The following CCDC187 variants were observed in gnomAD, a reference collection of about 807,000 sequenced individuals.
CCDC187 encodes coiled-coil domain containing 187.
Under a neutral mutation model 38.0 loss-of-function variants are expected in CCDC187, and 32 were observed. The ratio of observed to expected loss-of-function variants is 0.84; its 90% CI spans 0.64 to 1.13. The LOEUF (loss-of-function observed/expected upper bound fraction) is 1.13, where lower values mean the gene tolerates loss of function less well. Among genes scored for constraint, CCDC187 ranks in the 50% most tolerant of loss-of-function variants. The pLI, the probability that CCDC187 is intolerant of heterozygous loss-of-function variation, is 0.00. For synonymous variants in CCDC187, 333 were observed against 347.9 expected (o/e 0.96, Z 0.48); for missense variants, 707 against 786.8 (o/e 0.90, Z 1.21).
chr9:136,277,689 T>C (rs1830959849), intron 10 of CCDC187, among the ~76,000 whole-genome samples: 1 of 152,088 alleles, frequency 6.6e-6, no homozygotes, highest in African/African-American at 2.4e-5. Context: ...TGGCCCCAAG[T>C]CCCAGCTCTG....
In CCDC187 at chr9:136,251,065, C is replaced by T. The variant is rs1422721111; in HGVS notation, c.*2529G>A. On this transcript the variant is annotated 3_prime_UTR_variant, in exon 26 of 26. Transcript: ENST00000638797. ...CATGCATAAAGTCTGGAGTATGCTC[C>T]TCTCTGAAGTGGAGGAGGCCTGAGG... The T allele has an allele frequency of 2.2e-6, 1 of 455,462 alleles. No homozygotes were observed. The highest frequency in any genetic ancestry group is 4.4e-6 in the Non-Finnish European group (1 of 226,356). 28.2% of individuals were successfully genotyped at this position (455,462 alleles called of 1,614,324 possible).
chr9:136,304,439 G>A (rs970317712), upstream of CCDC187, among the ~76,000 whole-genome samples: 5 of 152,204 alleles, frequency 3.3e-5, no homozygotes, highest in African/African-American at 1.2e-4. Context: ...GTTCCATGGG[G>A]CTGGGCAGGG....
chr9:136,261,452 G>A (rs1378985220), intron 19 of CCDC187, among the ~76,000 whole-genome samples: 2 of 151,974 alleles, frequency 1.3e-5, no homozygotes, highest in African/African-American at 4.8e-5. Context: ...ACCCATGCTG[G>A]GGTCCAGGTC....
intron 4 of CCDC187, among the ~76,000 whole-genome samples, chr9:136,294,003 TAC>T (rs1224799769): frequency 1.2e-4 from 17 of 138,370 alleles, no homozygotes; most frequent in South Asian, 2.5e-4. Context: ...CACACTCATA[TAC>T]ACACGCCCTC....
At position 136,254,691 on chromosome 9, in the gene CCDC187, C is replaced by A; in HGVS notation, c.5137G>T (p.Gly1713Cys). The change falls in exon 26 of 26, where the codon GGC (glycine) becomes TGC (cysteine). Residue 1713 changes from glycine to cysteine, a missense_variant. Transcript: ENST00000638797. The stretch of plus-strand genomic sequence containing the variant: ...TCCAAGGAGGAGCCACGCAGGGGGC[C>A]GGCCCTGCGGCCCTGGGGCCTCTGC... ...TWQRPQGRRAGPLRGSSLDTA... is the reference protein window; with the variant it reads ...TWQRPQGRRACPLRGSSLDTA... 1.0e-6 allele frequency: 1 copy of A among 985,310 alleles called. No individual in the cohort carries two copies. Among genetic ancestry groups the A allele is most frequent in the Non-Finnish European group, 1.2e-6 (1 of 829,960 alleles). The allele number at this position is 985,310 out of a possible 1,614,324, so 61.0% of individuals were successfully genotyped here. A position where few individuals can be genotyped will look rare whatever the true frequency, so the allele number is the denominator to read the frequency against.
chr9:136,289,036 G>A (rs1478405889), intron 7 of CCDC187, among the ~76,000 whole-genome samples: 1 of 152,220 alleles, frequency 6.6e-6, no homozygotes, highest in Non-Finnish European at 1.5e-5. Flanking sequence ...TGGCCACGAG[G>A]TTGTGAAGAA....
Position 136,254,531 on chromosome 9 carries a change from C to A in CCDC187, c.5297G>T (p.Cys1766Phe). 9.1e-6 allele frequency: 9 copies of A among 985,484 alleles called. No homozygotes were observed. Among genetic ancestry groups the A allele is most frequent in the Non-Finnish European group, 1.1e-5 (9 of 829,956 alleles). The allele number at this position is 985,484 out of a possible 1,614,324, so 61.0% of individuals were successfully genotyped here. Reference sequence around the variant, plus strand: ...ACAGGGTTCTGGCAGGTCCTCCTCGCAGTCCTCCTCCCAAACTTTGCTGGA... The same window carrying A: ...ACAGGGTTCTGGCAGGTCCTCCTCGAAGTCCTCCTCCCAAACTTTGCTGGA... ...EASSKVWEED[C>F]EEDLPEPCTG... The change falls in exon 26 of 26, where the codon TGC becomes TTC. Residue 1766 changes from cysteine (C) to phenylalanine (F), a missense_variant. Transcript: ENST00000638797.
upstream of CCDC187, among the ~76,000 whole-genome samples, chr9:136,304,842 T>G (rs36170809): frequency 0.21 from 31,871 of 152,156 alleles, 6,294 homozygotes; most frequent in African/African-American, 0.51. Context: ...GGCCCTTAAG[T>G]TGACCCTTCC....
chr9:136,276,374 C>G (rs967735729), intron 11 of CCDC187, 73 bp from the exon 12 acceptor site: 1 of 152,260 alleles, frequency 6.6e-6, no homozygotes, highest in South Asian at 2.1e-4. Context: ...CCTCGGGGGT[C>G]ACCCCAAGGG....
chr9:136,300,291 C>T lies in CCDC187; in HGVS notation c.653G>A (p.Arg218His), dbSNP rs902252612. ...SGFSILSAAE[R>H]RVEAKASHGQ... ...GTGGGATGCCTTGGCTTCAACTCTG[C>T]GCTCAGCTGCACTCAAGATGCTGAA... is the stretch of plus-strand genomic sequence containing the variant. Residue 218 changes from arginine (R) to histidine (H), a missense_variant, in exon 3 of 26, where the codon CGC becomes CAC. Coordinates refer to ENST00000638797, the MANE Select transcript of CCDC187 (RefSeq NM_001378188.1). 26 of 398,658 alleles carry T rather than the reference C, an allele frequency of 6.5e-5. No homozygotes were observed. The highest frequency in any genetic ancestry group is 1.8e-4 in the Admixed American group (4 of 22,736). 24.7% of individuals were successfully genotyped at this position (398,658 alleles called of 1,614,324 possible).
intron 20 of CCDC187, 119 bp downstream of exon 20, chr9:136,260,000 G>A: frequency 1.2e-6 from 1 of 846,020 alleles, no homozygotes; most frequent in Non-Finnish European, 1.4e-6. Context: ...CACAGGCGGG[G>A]CACAGCAGGC....
At position 136,290,511 on chromosome 9, in the gene CCDC187, A is replaced by G. The variant is rs1054664823; in HGVS notation, c.2102T>C (p.Phe701Ser). The G allele has an allele frequency of 1.3e-5, 5 of 398,494 alleles. No homozygotes were observed. In the Admixed American group the frequency reaches 1.8e-4, roughly 14 times the overall value. The allele number at this position is 398,494 out of a possible 1,614,324, so 24.7% of individuals were successfully genotyped here. Residue 701 changes from phenylalanine to serine, a missense_variant, in exon 6 of 26, where the codon TTT becomes TCT. Coordinates refer to ENST00000638797, the MANE Select transcript of CCDC187 (RefSeq NM_001378188.1). ...VSRTTPGIVT[F>S]VPSSAQSGGL... is the part of the protein sequence containing the mutation. ...CCCGGACTGTGCAGAACTGGGGACA[A>G]AGGTCACGATGCCAGGGGTGGTCCG...
At position 136,297,730 on chromosome 9, in the gene CCDC187, G is replaced by A. The variant is rs1323187734; in HGVS notation, c.816C>T (p.Asp272=). The A allele has an allele frequency of 7.5e-6, 3 of 398,506 alleles. No homozygotes were observed. Among genetic ancestry groups the A allele is most frequent in the African/African-American group, 2.1e-5 (1 of 48,618 alleles). 24.7% of individuals were successfully genotyped at this position (398,506 alleles called of 1,614,324 possible). Residue 272 remains aspartate, a synonymous_variant, in exon 4 of 26, where the codon GAC becomes GAT. Coordinates refer to ENST00000638797, the MANE Select transcript of CCDC187 (RefSeq NM_001378188.1). ...KLPSPRRAAK[D]KHKDEDSELV... is the part of the protein sequence containing the mutation. ...AAACCTTACCTTCGTCTTTGTGTTT[G>A]TCTTTGGCCGCTCTTCTAGGGGAGG... is the stretch of plus-strand genomic sequence containing the variant.
intron 19 of CCDC187, among the ~76,000 whole-genome samples, 171 bp downstream of exon 19, chr9:136,262,140 G>A (rs552508696): frequency 2.6e-5 from 4 of 152,360 alleles, no homozygotes; most frequent in East Asian, 1.9e-4. Flanking sequence ...AGCTGCCACC[G>A]GCCGGCAGAA....
At chr9:136,288,639 A>C (rs1248962228) in intron 7 of CCDC187, among the ~76,000 whole-genome samples, 4 of 152,274 alleles carry the variant, frequency 2.6e-5, no homozygotes, top group African/African-American at 9.6e-5. Context: ...CCAGGCTGGA[A>C]ACTGTAGTGA....
rs1830646875 is a variant in CCDC187, at chr9:136,258,877, G to A, written c.4366+55C>T. 3.0e-6 allele frequency: 3 copies of A among 985,582 alleles called. No individual in the cohort carries two copies. Among genetic ancestry groups the A allele is most frequent in the Non-Finnish European group, 3.6e-6 (3 of 830,036 alleles). 61.1% of individuals were successfully genotyped at this position (985,582 alleles called of 1,614,324 possible). On this transcript the variant is annotated intron_variant, in intron 22 of 25. Transcript: ENST00000638797. This position sits in a 1 kb window ranked among gnomAD's most constrained non-coding sequence, Gnocchi z 4.3. ...CAGCCTCGGACAGGCTCTGCTGGAT[G>A]TGGGGGAAGTGTCTGGCGCCGTGGA...
chr9:136,284,461 G>A (rs1197042866), intron 9 of CCDC187, among the ~76,000 whole-genome samples: 9 of 152,182 alleles, frequency 5.9e-5, no homozygotes, highest in African/African-American at 1.4e-4. Flanking sequence ...TTTCGAGCCC[G>A]GGTTCCGGGG....
At chr9:136,262,158 C>T (rs996763927) in intron 19 of CCDC187, among the ~76,000 whole-genome samples, 153 bp downstream of exon 19, 14 of 152,276 alleles carry the variant, frequency 9.2e-5, no homozygotes, top group Non-Finnish European at 1.6e-4. Flanking sequence ...GAACAGCCCC[C>T]AGCCACCCTG....
intron 14 of CCDC187, among the ~76,000 whole-genome samples, chr9:136,272,684 C>T (rs1234851871): frequency 1.3e-5 from 2 of 149,826 alleles, no homozygotes; most frequent in African/African-American, 4.9e-5. Flanking sequence ...GCCTGGGCAA[C>T]AAGAGCAAAC....
Sources: gnomAD v4.1 joint callset for allele counts (sites outside exome capture counted in the v4.1 genomes callset) on GRCh38, gnomAD v4.1.1 for gene constraint, Gnocchi (gnomAD v3.1) non-coding constraint, MANE v1.5 for transcripts, NCBI Gene and HGNC (gene_info 2026-07-23, HGNC 2026-07-21) for gene names.